Variants in PPARGC1A observed in about 807,000 individuals in gnomAD.
The protein encoded by PPARGC1A is PPARG coactivator 1 alpha, also known as peroxisome proliferator-activated receptor gamma coactivator 1-alpha.
In PPARGC1A, 25 loss-of-function variants were observed where a neutral mutation model predicts 88.7. The ratio of observed to expected loss-of-function variants is 0.28; its 90% CI spans 0.21 to 0.39. The LOEUF is 0.39. Among genes scored for constraint, PPARGC1A ranks in the 10% least tolerant of loss-of-function variants. PPARGC1A has a pLI of 1.00. For missense variants in PPARGC1A, 880 were observed against 968.7 expected (o/e 0.91, Z 1.22); for synonymous variants, 363 against 355.6 (o/e 1.02, Z -0.24).
intron 7 of PPARGC1A, among the ~76,000 whole-genome samples, chr4:23,815,404 A>C (rs2970848): frequency 6.6e-6 from 1 of 151,870 alleles, no homozygotes; most frequent in Non-Finnish European, 1.5e-5. Flanking sequence ...ACTAAATATC[A>C]CAGTGCCAGC....
At chr4:23,953,792 T>C in the PPARGC1A span, among the ~76,000 whole-genome samples, 1 of 152,020 alleles carries the variant, frequency 6.6e-6, no homozygotes, top group Non-Finnish European at 1.5e-5. Context: ...CCTTCCAAAG[T>C]TAGAAACTCC....
the PPARGC1A span, among the ~76,000 whole-genome samples, chr4:24,299,979 A>G: frequency 4.6e-5 from 7 of 152,168 alleles, no homozygotes; most frequent in African/African-American, 1.4e-4. Flanking sequence ...GTGATGTGCA[A>G]ATTAAACATT....
the PPARGC1A span, among the ~76,000 whole-genome samples, chr4:24,427,287 T>A: frequency 1.4e-3 from 209 of 151,706 alleles, no homozygotes; most frequent in African/African-American, 4.3e-3. Context: ...TATTTATTTT[T>A]TTTTTTTTTT....
chr4:23,824,074 C>T (rs1478947256), intron 7 of PPARGC1A, among the ~76,000 whole-genome samples: 3 of 151,364 alleles, frequency 2.0e-5, no homozygotes, highest in African/African-American at 7.3e-5. Flanking sequence ...TTCAGTTAGT[C>T]TAAGTTTTTT....
chr4:24,443,736 T>TG, the PPARGC1A span, among the ~76,000 whole-genome samples: 1 of 148,608 alleles, frequency 6.7e-6, no homozygotes, highest in African/African-American at 2.4e-5. Context: ...TTTTTTTTTT[T>TG]GTAAATATGG....
At chr4:24,242,871 C>T in the PPARGC1A span, among the ~76,000 whole-genome samples, 1 of 152,094 alleles carries the variant, frequency 6.6e-6, no homozygotes, top group Non-Finnish European at 1.5e-5. Flanking sequence ...CCTCAGAACC[C>T]CATCAGTTCC....
the PPARGC1A span, among the ~76,000 whole-genome samples, chr4:24,247,887 TC>T: frequency 1.3e-5 from 2 of 152,154 alleles, no homozygotes; most frequent in Admixed American, 6.5e-5. Flanking sequence ...GAACTGGTCT[TC>T]TGTTTCTGTC....
the PPARGC1A span, among the ~76,000 whole-genome samples, chr4:24,332,303 G>A: frequency 3.3e-5 from 5 of 151,962 alleles, no homozygotes; most frequent in East Asian, 1.9e-4. Flanking sequence ...AAAGCTGGTC[G>A]AGGAGCCTCT....
chr4:24,419,980 G>T, the PPARGC1A span, among the ~76,000 whole-genome samples: 3 of 152,150 alleles, frequency 2.0e-5, no homozygotes, highest in Non-Finnish European at 2.9e-5. Context: ...CAAACAAAAA[G>T]AAAAGTGAAA....
At chr4:24,348,272 C>G in the PPARGC1A span, among the ~76,000 whole-genome samples, 54,195 of 152,028 alleles carry the variant, frequency 0.36, 10,019 homozygotes, top group Non-Finnish European at 0.4. Flanking sequence ...ATAACCGGAT[C>G]ACAATGTGCC....
the PPARGC1A span, among the ~76,000 whole-genome samples, chr4:24,098,404 A>C: frequency 1.1e-4 from 16 of 152,208 alleles, no homozygotes; most frequent in Non-Finnish European, 1.6e-4. Flanking sequence ...ATGATTTCCC[A>C]ATTTAATCAA....
intron 2 of PPARGC1A, chr4:23,883,665 T>G (rs1480325999): frequency 6.6e-6 from 1 of 152,210 alleles, no homozygotes; most frequent in Non-Finnish European, 1.5e-5. Flanking sequence ...ATATTAAGCA[T>G]GAGTATACCA....
intron 10 of PPARGC1A, among the ~76,000 whole-genome samples, chr4:23,807,987 A>G (rs1720151930): frequency 6.6e-6 from 1 of 152,064 alleles, no homozygotes; most frequent in Non-Finnish European, 1.5e-5. Context: ...TTTTCTCCAA[A>G]AAAGAATAAC....
the PPARGC1A span, among the ~76,000 whole-genome samples, chr4:24,026,987 C>T: frequency 6.6e-6 from 1 of 152,112 alleles, no homozygotes; most frequent in East Asian, 1.9e-4. Context: ...CACATAATGG[C>T]TATTTTCTAA....
At chr4:23,802,889 T>C (rs1577335271) in intron 10 of PPARGC1A, among the ~76,000 whole-genome samples, 1 of 152,242 alleles carries the variant, frequency 6.6e-6, no homozygotes. Flanking sequence ...TCTACTCTTT[T>C]CTACCTTTCC....
the PPARGC1A span, among the ~76,000 whole-genome samples, chr4:24,101,513 AAC>A: frequency 3.3e-5 from 5 of 152,252 alleles, no homozygotes; most frequent in African/African-American, 9.6e-5. Flanking sequence ...TATTTGAAGT[AAC>A]AGTTACCCTA....
chr4:24,072,135 ATT>A, the PPARGC1A span, among the ~76,000 whole-genome samples: 1 of 147,214 alleles, frequency 6.8e-6, no homozygotes, highest in Non-Finnish European at 1.5e-5. Context: ...TATATTTATA[ATT>A]TTTTATTTTA....
chr4:23,828,760 G>A (rs1724468838), intron 4 of PPARGC1A, among the ~76,000 whole-genome samples, 156 bp from the exon 5 acceptor site: 1 of 152,092 alleles, frequency 6.6e-6, no homozygotes, highest in African/African-American at 2.4e-5. Context: ...AACAAGGAAA[G>A]AAAATTACAT....
At chr4:24,311,502 C>A in the PPARGC1A span, among the ~76,000 whole-genome samples, 2 of 151,384 alleles carry the variant, frequency 1.3e-5, 1 homozygote, top group Non-Finnish European at 2.9e-5. Context: ...TAGCCGGGCG[C>A]AGTGGCAGAT....
Sources: allele counts gnomAD v4.1 joint callset (sites outside exome capture counted in the v4.1 genomes callset), GRCh38; gene constraint gnomAD v4.1.1; transcripts MANE v1.5; gene names NCBI Gene and HGNC (gene_info 2026-07-23, HGNC 2026-07-21).